Variants in TMOD3 observed in about 807,000 individuals in gnomAD.
The protein encoded by TMOD3 is tropomodulin 3, also known as tropomodulin-3.
A neutral mutation model predicts 39.2 loss-of-function variants in TMOD3; 20 were observed. The observed-to-expected ratio is 0.51, with a 90% CI of 0.36 to 0.74. TMOD3 has a LOEUF of 0.74. Ranked by LOEUF, TMOD3 falls within the 30% of genes least tolerant of loss-of-function variation. The pLI is 0.00. For synonymous variants in TMOD3, 143 were observed against 145.8 expected, an observed-to-expected ratio of 0.98 and a Z score of 0.14; for missense variants, 381 against 412.8, an observed-to-expected ratio of 0.92 and a Z score of 0.67.
intron 9 of TMOD3, among the ~76,000 whole-genome samples, chr15:51,906,847 G>C (rs1198573225): frequency 6.6e-6 from 1 of 151,866 alleles, no homozygotes; most frequent in Admixed American, 6.6e-5. Flanking sequence ...GAGAAACCCC[G>C]TCTCTACTTT....
At chr15:51,859,225 A>T (rs770237509) in intron 1 of TMOD3, 2 of 740,810 alleles carry the variant, frequency 2.7e-6, no homozygotes, top group Non-Finnish European at 5.1e-6. Flanking sequence ...TTAGCTACAG[A>T]TGCCTCTGCT....
intron 1 of TMOD3, among the ~76,000 whole-genome samples, chr15:51,855,669 G>A (rs1166365853): frequency 6.6e-6 from 1 of 152,200 alleles, no homozygotes; most frequent in Admixed American, 6.5e-5. Context: ...TGTAGACAAA[G>A]TGTAGATTTA....
chr15:51,905,965 A>AAG (rs1566869592), intron 9 of TMOD3, among the ~76,000 whole-genome samples: 5 of 147,320 alleles, frequency 3.4e-5, no homozygotes, highest in African/African-American at 1.3e-4. Flanking sequence ...AAAAAAAAAA[A>AAG]AAAAAAAAAA....
chr15:51,831,005 T>C (rs1028587561), intron 1 of TMOD3, among the ~76,000 whole-genome samples: 1 of 152,204 alleles, frequency 6.6e-6, no homozygotes, highest in East Asian at 1.9e-4. Flanking sequence ...TCTCAGAAAT[T>C]GTAGTTTGCT....
chr15:51,895,527 A>G (rs912948526), intron 6 of TMOD3, among the ~76,000 whole-genome samples: 2 of 151,716 alleles, frequency 1.3e-5, no homozygotes, highest in South Asian at 2.1e-4. Context: ...GCCTATTTTT[A>G]TTTTTTTTAA....
At chr15:51,848,063 A>G (rs1334046242) in intron 1 of TMOD3, among the ~76,000 whole-genome samples, 2 of 152,132 alleles carry the variant, frequency 1.3e-5, no homozygotes, top group Non-Finnish European at 1.5e-5. Flanking sequence ...TCCATCTGTG[A>G]ATCAGAAAGT....
chr15:51,879,849 CTG>C (rs1358341606), intron 3 of TMOD3, among the ~76,000 whole-genome samples: 1 of 132,118 alleles, frequency 7.6e-6, no homozygotes, highest in Non-Finnish European at 1.6e-5. Context: ...TTCTCTCTCT[CTG>C]TCTTTCACAC....
At position 51,911,856 on chromosome 15, in the gene TMOD3, A is replaced by G. The variant is rs1703117985; in HGVS notation, c.*3046A>G. 6.6e-6 allele frequency: 1 copy of G among 152,202 alleles called. No individual in the cohort carries two copies. Among genetic ancestry groups the G allele is most frequent in the South Asian group, 2.1e-4 (1 of 4,838 alleles). 9.4% of individuals were successfully genotyped at this position (152,202 alleles called of 1,614,324 possible). A position where few individuals can be genotyped will look rare whatever the true frequency, so the allele number is the denominator to read the frequency against. The stretch of plus-strand genomic sequence containing the variant: ...TAGAATTCTCAAGAATAGGTGAAAT[A>G]CACTTTCAAAGTTGCCTGTCATTTA... On this transcript the variant is annotated 3_prime_UTR_variant, in exon 10 of 10. Coordinates refer to ENST00000308580, the MANE Select transcript of TMOD3 (RefSeq NM_014547.5).
At chr15:51,902,644 A>T (rs2916173) in intron 9 of TMOD3, among the ~76,000 whole-genome samples, 40,841 of 95,546 alleles carry the variant, frequency 0.43, 10,807 homozygotes, top group Non-Finnish European at 0.51. Context: ...TAATTTTTGT[A>T]TTTTTTTTTT....
At chr15:51,896,603 T>G (rs1406876074) in intron 7 of TMOD3, 77 bp downstream of exon 7, 10 of 1,021,694 alleles carry the variant, frequency 9.8e-6, no homozygotes, top group Admixed American at 2.0e-5. Flanking sequence ...ATGAACAAGA[T>G]TTACCCCTTT....
At chr15:51,892,866 T>C (rs79624826) in intron 5 of TMOD3, among the ~76,000 whole-genome samples, 2,337 of 152,286 alleles carry the variant, frequency 0.015, 65 homozygotes, top group East Asian at 0.076. Context: ...ATCAAATATA[T>C]TTGAGTGGTA....
chr15:51,847,447 T>C (rs1211994176), intron 1 of TMOD3, among the ~76,000 whole-genome samples: 2 of 152,326 alleles, frequency 1.3e-5, no homozygotes, highest in East Asian at 3.9e-4. Context: ...CCACTATTTT[T>C]TCAACTACTG....
At chr15:51,886,009 G>A (rs1046059297) in intron 3 of TMOD3, among the ~76,000 whole-genome samples, 24 of 148,896 alleles carry the variant, frequency 1.6e-4, no homozygotes, top group Admixed American at 6.0e-4. Flanking sequence ...AGGCGGAGAC[G>A]CTCCTCACTT....
rs762867720 is a variant in TMOD3, at chr15:51,862,963, A to T, written c.79A>T (p.Thr27Ser). ...TGAGCTCCTTGGGAATCTGTCAGAA[A>T]CAGAACTGAAACAACTGGAAACTGT... Reference protein sequence around the residue: ...EDELLGNLSETELKQLETVLD... With the variant: ...EDELLGNLSESELKQLETVLD... The change falls in exon 2 of 10, where the codon ACA becomes TCA. Residue 27 changes from threonine (T) to serine (S), a missense_variant. Thr to Ser is a moderately conservative substitution (Grantham distance 58, BLOSUM62 1). Coordinates refer to ENST00000308580, the MANE Select transcript of TMOD3 (RefSeq NM_014547.5). 1 of 1,614,116 alleles carries T rather than the reference A, an allele frequency of 6.2e-7. No homozygotes were observed. The highest frequency in any genetic ancestry group is 8.5e-7 in the Non-Finnish European group (1 of 1,179,962).
At chr15:51,886,010 C>T (rs2056560339) in intron 3 of TMOD3, among the ~76,000 whole-genome samples, 1 of 150,436 alleles carries the variant, frequency 6.6e-6, no homozygotes, top group East Asian at 2.0e-4. Context: ...GGCGGAGACG[C>T]TCCTCACTTC....
At chr15:51,830,749 ATT>A (rs1195038033) in intron 1 of TMOD3, among the ~76,000 whole-genome samples, 16 of 152,330 alleles carry the variant, frequency 1.1e-4, no homozygotes, top group African/African-American at 3.8e-4. Flanking sequence ...AAACCTTCAG[ATT>A]AATTTTTTTG....
chr15:51,903,873 T>TA (rs1436831232), intron 9 of TMOD3, among the ~76,000 whole-genome samples: 9 of 152,354 alleles, frequency 5.9e-5, no homozygotes, highest in South Asian at 2.1e-4. Flanking sequence ...GACCATCACA[T>TA]AACCCTACTT....
At chr15:51,861,252 G>T in intron 1 of TMOD3, 1 of 403,714 alleles carries the variant, frequency 2.5e-6, no homozygotes, top group South Asian at 2.3e-5. Context: ...TTCCAATTCA[G>T]GGAGCTGATC....
intron 5 of TMOD3, among the ~76,000 whole-genome samples, chr15:51,890,179 T>C (rs1469497374): frequency 6.6e-6 from 1 of 151,756 alleles, no homozygotes; most frequent in Admixed American, 6.6e-5. Flanking sequence ...ATTTTTTTTT[T>C]TTTTTTGGAA....
Sources: allele counts gnomAD v4.1 joint callset (sites outside exome capture counted in the v4.1 genomes callset), GRCh38; gene constraint gnomAD v4.1.1; transcripts MANE v1.5; gene names NCBI Gene and HGNC (gene_info 2026-07-23, HGNC 2026-07-21).